CSMD1: variants seen among roughly 807,000 people sequenced by gnomAD.
CSMD1 encodes CUB and Sushi multiple domains 1.
Under a neutral mutation model 417.5 loss-of-function variants are expected in CSMD1, and 213 were observed. That is an observed-to-expected ratio of 0.51 (90% CI 0.46 to 0.57). CSMD1 has a LOEUF of 0.57. Among genes scored for constraint, CSMD1 ranks in the 20% least tolerant of loss-of-function variants. CSMD1 has a pLI of 0.00. For missense variants in CSMD1, 6,923 were observed against 4,529.7 expected, an observed-to-expected ratio of 1.53 and a Z score of -15.17; for synonymous variants, 2,862 against 1,736.8, an observed-to-expected ratio of 1.65 and a Z score of -16.11.
intron 2 of CSMD1, among the ~76,000 whole-genome samples, chr8:4,561,618 G>A (rs1228945638): frequency 1.3e-5 from 2 of 152,118 alleles, no homozygotes; most frequent in Admixed American, 6.5e-5. Context: ...GGAGATTGAG[G>A]CCGCAGTGAG....
chr8:4,514,058 C>T (rs368140858), intron 2 of CSMD1, among the ~76,000 whole-genome samples: 1 of 152,120 alleles, frequency 6.6e-6, no homozygotes, highest in African/African-American at 2.4e-5. Context: ...GTAGCTTAAA[C>T]AACAAAATTT....
chr8:3,232,006 A>G (rs1292619664), intron 26 of CSMD1, among the ~76,000 whole-genome samples: 2 of 152,248 alleles, frequency 1.3e-5, no homozygotes, highest in African/African-American at 4.8e-5. Context: ...ACATTGAAAT[A>G]TATACATGTG....
At chr8:4,036,245 T>C (rs1376945696) in intron 3 of CSMD1, among the ~76,000 whole-genome samples, 1 of 152,166 alleles carries the variant, frequency 6.6e-6, no homozygotes, top group Non-Finnish European at 1.5e-5. Flanking sequence ...AGTTGTTAAG[T>C]CATGCATGAC....
chr8:4,485,558 G>A (rs1373734791), intron 2 of CSMD1, among the ~76,000 whole-genome samples: 1 of 152,000 alleles, frequency 6.6e-6, no homozygotes, highest in Non-Finnish European at 1.5e-5. Context: ...ATAATTGGGT[G>A]ACTTTATTTC....
chr8:3,371,308 G>A (rs62503468), intron 18 of CSMD1, among the ~76,000 whole-genome samples: 8 of 152,046 alleles, frequency 5.3e-5, no homozygotes, highest in Middle Eastern at 3.2e-3. Flanking sequence ...GTTCTCTACC[G>A]CTCTGTGCTT....
At position 4,537,320 on chromosome 8, in the gene CSMD1, C is replaced by T. The variant is rs563005769; in HGVS notation, c.302+100022G>A. Among the ~76,000 whole-genome samples the T allele has an allele frequency of 1.1e-4, 17 of 152,108 alleles. No homozygotes were observed. In the South Asian group the frequency reaches 1.2e-3, roughly 11 times the overall value. ...CTTTTTATAAATGCTGTTAAAGATG[C>T]GACTTAATAAATGCTAAAATGAGAG... is the stretch of plus-strand genomic sequence containing the variant. On this transcript the variant is annotated intron_variant, in intron 2 of 69. Coordinates refer to ENST00000635120, the MANE Select transcript of CSMD1 (RefSeq NM_033225.6).
At chr8:4,165,290 G>T (rs1043657179) in intron 3 of CSMD1, among the ~76,000 whole-genome samples, 4 of 152,228 alleles carry the variant, frequency 2.6e-5, no homozygotes, top group African/African-American at 7.2e-5. Context: ...GATCCACTCG[G>T]TTAAGTTCTG....
chr8:4,063,969 A>G (rs892382696), intron 3 of CSMD1, among the ~76,000 whole-genome samples: 6 of 152,148 alleles, frequency 3.9e-5, no homozygotes, highest in African/African-American at 1.2e-4. Context: ...AAACAAAAAG[A>G]GAGTGTGTGT....
chr8:3,014,296 A>T (rs1054559209), intron 52 of CSMD1, among the ~76,000 whole-genome samples: 1 of 152,204 alleles, frequency 6.6e-6, no homozygotes, highest in African/African-American at 2.4e-5. Context: ...CTTGGAAACT[A>T]TATTAGTTCT....
intron 5 of CSMD1, among the ~76,000 whole-genome samples, chr8:3,757,013 G>T (rs1718530233): frequency 6.6e-6 from 1 of 152,090 alleles, no homozygotes; most frequent in Admixed American, 6.5e-5. Context: ...ATGTTGTCCA[G>T]ACTGGTCTTG....
chr8:4,061,915 A>G (rs1402078504), intron 3 of CSMD1, among the ~76,000 whole-genome samples: 1 of 152,184 alleles, frequency 6.6e-6, no homozygotes, highest in Non-Finnish European at 1.5e-5. Flanking sequence ...AAATAAATCA[A>G]TTATGCATTA....
At chr8:4,734,566 TG>T (rs1391959259) in intron 1 of CSMD1, among the ~76,000 whole-genome samples, 1 of 152,228 alleles carries the variant, frequency 6.6e-6, no homozygotes, top group East Asian at 1.9e-4. Context: ...AAGTAAATGC[TG>T]GGTATTAAAT....
intron 8 of CSMD1, among the ~76,000 whole-genome samples, chr8:3,610,688 G>T (rs960804956): frequency 1.3e-5 from 2 of 151,948 alleles, no homozygotes; most frequent in African/African-American, 4.8e-5. Flanking sequence ...TTACTATAAT[G>T]TTTCTTTCTT....
At chr8:4,268,751 TAA>T (rs369276513) in intron 3 of CSMD1, among the ~76,000 whole-genome samples, 83 of 148,180 alleles carry the variant, frequency 5.6e-4, no homozygotes, top group African/African-American at 2.0e-3. Flanking sequence ...ATTAAATTGC[TAA>T]AAAAAAAACC....
At chr8:4,329,961 C>T (rs965059944) in intron 3 of CSMD1, among the ~76,000 whole-genome samples, 3 of 152,042 alleles carry the variant, frequency 2.0e-5, no homozygotes, top group African/African-American at 7.2e-5. Context: ...CTGGAAGCTC[C>T]CTGAGGTCTC....
intron 12 of CSMD1, among the ~76,000 whole-genome samples, chr8:3,427,476 G>T (rs1813925712): frequency 6.6e-6 from 1 of 152,014 alleles, no homozygotes; most frequent in Admixed American, 6.6e-5. Flanking sequence ...CCTTTAAAAT[G>T]AAGATTTTCA....
At chr8:4,383,826 G>C (rs771445294) in intron 3 of CSMD1, among the ~76,000 whole-genome samples, 10 of 151,804 alleles carry the variant, frequency 6.6e-5, no homozygotes, top group African/African-American at 9.7e-5. Flanking sequence ...TTGTGAAAGT[G>C]GAACTTGAAA....
chr8:4,027,691 A>G (rs1240691226), intron 4 of CSMD1, among the ~76,000 whole-genome samples: 1 of 152,188 alleles, frequency 6.6e-6, no homozygotes, highest in Non-Finnish European at 1.5e-5. Flanking sequence ...AATACAGATG[A>G]CAACTGACAT....
intron 48 of CSMD1, among the ~76,000 whole-genome samples, chr8:3,090,988 A>G (rs1814903988): frequency 1.3e-5 from 2 of 152,148 alleles, no homozygotes; most frequent in South Asian, 4.1e-4. Flanking sequence ...ATAAAGGGCA[A>G]AATAATTTAC....
Sources: gnomAD v4.1 joint callset for allele counts (sites outside exome capture counted in the v4.1 genomes callset) on GRCh38, gnomAD v4.1.1 for gene constraint, MANE v1.5 for transcripts, NCBI Gene and HGNC (gene_info 2026-07-23, HGNC 2026-07-21) for gene names.